Variants in PLA2G6 observed in about 807,000 individuals in gnomAD.
PLA2G6 encodes the protein phospholipase A2 group VI, also known as 85/88 kDa calcium-independent phospholipase A2.
PLA2G6 carries 62 observed loss-of-function variants against 83.8 expected under a neutral mutation model. The ratio of observed to expected loss-of-function variants is 0.74; its 90% CI spans 0.60 to 0.91. The LOEUF is 0.91. PLA2G6 is among the 40% of genes least tolerant of loss of function. PLA2G6 has a pLI of 0.00. For synonymous variants in PLA2G6, 417 were observed against 449.8 expected (o/e 0.93, Z 0.92); for missense variants, 944 against 1,102.0 (o/e 0.86, Z 2.03).
chr22:38,148,225 C>T (rs1176633611), intron 2 of PLA2G6: 2 of 389,878 alleles, frequency 5.1e-6, no homozygotes, highest in Admixed American at 8.5e-5. Context: ...ATGTGAGAAT[C>T]TGAAGATTGC....
At chr22:38,154,497 C>A (rs543405947) in intron 2 of PLA2G6, among the ~76,000 whole-genome samples, 1 of 152,256 alleles carries the variant, frequency 6.6e-6, no homozygotes, top group Non-Finnish European at 1.5e-5. Flanking sequence ...TTATCCAAGA[C>A]CACCCAAGTG....
At chr22:38,113,871 G>C in intron 14 of PLA2G6, 1 of 671,906 alleles carries the variant, frequency 1.5e-6, no homozygotes, top group South Asian at 1.5e-5. Context: ...ATCTGCTCAG[G>C]ACAGCATCTG....
At chr22:38,166,668 GC>G (rs1336202022) in intron 2 of PLA2G6, among the ~76,000 whole-genome samples, 4 of 152,172 alleles carry the variant, frequency 2.6e-5, no homozygotes, top group African/African-American at 9.7e-5. Context: ...GGCAGAGGTT[GC>G]TGTAAGCCAA....
intron 1 of PLA2G6, among the ~76,000 whole-genome samples, chr22:38,175,336 C>T (rs924146744): frequency 2.6e-5 from 4 of 152,136 alleles, no homozygotes; most frequent in African/African-American, 9.7e-5. Flanking sequence ...GCCCACTGTA[C>T]GATGCAAATC....
chr22:38,113,574 A>G lies in PLA2G6; in HGVS notation c.2115T>C (p.Cys705=), dbSNP rs767161402. ...GGTTGCTGGGACGGAAGACATCCAC[A>G]CAGGTCACAGGCACTTGTGGGGACC... ...TGRSPQVPVT[C]VDVFRPSNPW... is the part of the protein sequence containing the mutation. The change falls in exon 15 of 17, where the codon TGT becomes TGC. Residue 705 remains cysteine, a synonymous_variant. Coordinates refer to ENST00000332509, the MANE Select transcript of PLA2G6 (RefSeq NM_003560.4). 1.9e-6 allele frequency: 3 copies of G among 1,613,922 alleles called. No individual in the cohort carries two copies. The highest frequency in any genetic ancestry group is 2.7e-5 in the African/African-American group (2 of 75,040).
chr22:38,152,453 C>T (rs903030328), intron 2 of PLA2G6, among the ~76,000 whole-genome samples: 26 of 151,964 alleles, frequency 1.7e-4, no homozygotes, highest in Non-Finnish European at 2.9e-4. Flanking sequence ...GTGATCCACT[C>T]GCCTTGGCCA....
At chr22:38,144,618 G>A (rs1205039095) in intron 3 of PLA2G6, 15 of 109,160 alleles carry the variant, frequency 1.4e-4, no homozygotes, top group East Asian at 2.7e-4. Flanking sequence ...GGGCGACAGA[G>A]CGAGACTCCG....
intron 2 of PLA2G6, among the ~76,000 whole-genome samples, chr22:38,163,828 G>C (rs1436246642): frequency 6.6e-6 from 1 of 152,084 alleles, no homozygotes; most frequent in Non-Finnish European, 1.5e-5. Context: ...GATGGGATGT[G>C]GGAGGACTGA....
chr22:38,120,974 C>A, intron 11 of PLA2G6, 65 bp from the exon 12 acceptor site: 1 of 1,589,292 alleles, frequency 6.3e-7, no homozygotes. Context: ...CGTAGAACAG[C>A]CTGCAGAGCG....
chr22:38,172,696 G>A (rs4378), intron 1 of PLA2G6, among the ~76,000 whole-genome samples: 16,643 of 152,256 alleles, frequency 0.11, 1,065 homozygotes, highest in African/African-American at 0.16. Flanking sequence ...CCACAGGGAC[G>A]CGGAGGGGTG....
In PLA2G6 at chr22:38,113,588, C is replaced by A; in HGVS notation, c.2101G>T (p.Val701Leu). 5 of 1,613,748 alleles carry A rather than the reference C, an allele frequency of 3.1e-6. No homozygotes were observed. Among genetic ancestry groups the A allele is most frequent in the Non-Finnish European group, 4.2e-6 (5 of 1,179,778 alleles). ...AAGACATCCACACAGGTCACAGGCACTTGTGGGGACCTCCCTGTCCCCAGG... is the reference window on the plus strand; with the variant it reads ...AAGACATCCACACAGGTCACAGGCAATTGTGGGGACCTCCCTGTCCCCAGG... ...VSLGTGRSPQVPVTCVDVFRP... is the reference protein window; with the variant it reads ...VSLGTGRSPQLPVTCVDVFRP... Residue 701 changes from valine (V) to leucine (L), a missense_variant, in exon 15 of 17, where the codon GTG becomes TTG. Coordinates refer to ENST00000332509, the MANE Select transcript of PLA2G6 (RefSeq NM_003560.4).
At chr22:38,122,502 G>A (rs2087582856) in intron 11 of PLA2G6, among the ~76,000 whole-genome samples, 1 of 152,130 alleles carries the variant, frequency 6.6e-6, no homozygotes, top group Non-Finnish European at 1.5e-5. Context: ...GCAGTGAAAG[G>A]AGACTACACA....
chr22:38,118,734 TGTGA>T (rs1265382206), intron 12 of PLA2G6, among the ~76,000 whole-genome samples: 2 of 148,252 alleles, frequency 1.3e-5, no homozygotes, highest in African/African-American at 4.9e-5. Context: ...TTTTATAGTT[TGTGA>T]GTTTGTTTGT....
At chr22:38,162,887 C>T (rs1029578404) in intron 2 of PLA2G6, among the ~76,000 whole-genome samples, 1 of 152,084 alleles carries the variant, frequency 6.6e-6, no homozygotes, top group Non-Finnish European at 1.5e-5. Context: ...AGTGAGGAGG[C>T]AAAGGGGAGA....
rs1337535617 is a variant in PLA2G6 at position 38,111,838 on chromosome 22, G to A, written c.*323C>T. 2.5e-6 allele frequency: 1 copy of A among 397,410 alleles called. No homozygotes were observed. The highest frequency in any genetic ancestry group is 4.8e-6 in the Non-Finnish European group (1 of 208,370). The allele number at this position is 397,410 out of a possible 1,614,324, so 24.6% of individuals were successfully genotyped here. A position where few individuals can be genotyped will look rare whatever the true frequency, so the allele number is the denominator to read the frequency against. On this transcript the variant is annotated 3_prime_UTR_variant, in exon 17 of 17. Transcript: ENST00000332509. Reference sequence around the variant, plus strand: ...CAGGCCCTCAGGGAGGCTGGGGCTGGGGGCAGGGGTACGGTTGTGCCCGGG... The same window carrying A: ...CAGGCCCTCAGGGAGGCTGGGGCTGAGGGCAGGGGTACGGTTGTGCCCGGG...
chr22:38,143,707 A>T (rs1416810319), intron 3 of PLA2G6: 3 of 330,642 alleles, frequency 9.1e-6, no homozygotes, highest in Non-Finnish European at 1.8e-5. Flanking sequence ...GCTGTCCAAA[A>T]GCACGCCTGG....
At chr22:38,176,041 A>C (rs1382028102) in intron 1 of PLA2G6, among the ~76,000 whole-genome samples, 1 of 152,156 alleles carries the variant, frequency 6.6e-6, no homozygotes, top group East Asian at 1.9e-4. Flanking sequence ...CACAACGGAT[A>C]GGGAAATACC....
intron 1 of PLA2G6, among the ~76,000 whole-genome samples, chr22:38,174,248 A>C (rs1354153082): frequency 6.6e-6 from 1 of 151,866 alleles, no homozygotes; most frequent in African/African-American, 2.4e-5. Context: ...TACAAAAAAA[A>C]TTAGCTGGGC....
At position 38,129,523 on chromosome 22, in the gene PLA2G6, C is replaced by T. The variant is rs587784327; in HGVS notation, c.1117G>A (p.Gly373Arg). 2 of 1,614,082 alleles carry T rather than the reference C, an allele frequency of 1.2e-6. No individual in the cohort carries two copies. Residue 373 changes from glycine (G) to arginine (R), a missense_variant, in exon 8 of 17, where the codon GGA becomes AGA. Gly to Arg is a moderately radical substitution (Grantham distance 125). Coordinates refer to ENST00000332509, the MANE Select transcript of PLA2G6 (RefSeq NM_003560.4). The part of the protein sequence containing the change: ...VEMIKALIVF[G>R]AEVDTPNDFG... ...TCATTCGGGGTGTCCACTTCTGCTCCGAACACGATGAGGGCCTTGATCATC... is the reference window on the plus strand; with the variant it reads ...TCATTCGGGGTGTCCACTTCTGCTCTGAACACGATGAGGGCCTTGATCATC...
Sources: allele counts gnomAD v4.1 joint callset (sites outside exome capture counted in the v4.1 genomes callset), GRCh38; gene constraint gnomAD v4.1.1; transcripts MANE v1.5; gene names NCBI Gene and HGNC (gene_info 2026-07-23, HGNC 2026-07-21).